NUP93: variants seen among roughly 807,000 people sequenced by gnomAD.
NUP93 encodes nuclear pore complex protein Nup93.
NUP93 carries 55 observed loss-of-function variants against 107.8 expected under a neutral mutation model. The ratio of observed to expected loss-of-function variants is 0.51; its 90% CI spans 0.41 to 0.64. The LOEUF (loss-of-function observed/expected upper bound fraction) is 0.64. Ranked by LOEUF, NUP93 falls within the 30% of genes least tolerant of loss-of-function variation. The pLI is 0.00. For missense variants in NUP93, 937 were observed against 1,044.7 expected (o/e 0.90, Z 1.42); for synonymous variants, 390 against 397.5 (o/e 0.98, Z 0.22).
At chr16:56,771,603 C>G (rs1284023615) in intron 3 of NUP93, among the ~76,000 whole-genome samples, 1 of 152,140 alleles carries the variant, frequency 6.6e-6, no homozygotes, top group Admixed American at 6.5e-5. Flanking sequence ...GAAAGACTTG[C>G]TGGTTAACTA....
At chr16:56,825,952 T>C (rs1216853032) in intron 8 of NUP93, among the ~76,000 whole-genome samples, 1 of 152,198 alleles carries the variant, frequency 6.6e-6, no homozygotes, top group Non-Finnish European at 1.5e-5. Flanking sequence ...ATGCACCAGA[T>C]GGCAAAGTAG....
intron 5 of NUP93, among the ~76,000 whole-genome samples, chr16:56,815,914 C>G (rs1357657567): frequency 6.6e-6 from 1 of 152,058 alleles, no homozygotes; most frequent in African/African-American, 2.4e-5. Context: ...GCTGCTGCTG[C>G]TGGTGCTGCT....
chr16:56,780,906 A>G (rs1311678961), intron 3 of NUP93, among the ~76,000 whole-genome samples: 1 of 152,124 alleles, frequency 6.6e-6, no homozygotes, highest in Non-Finnish European at 1.5e-5. Flanking sequence ...GACTTTAATC[A>G]TCTGGTGCCT....
chr16:56,768,393 A>G (rs192281553), intron 3 of NUP93, among the ~76,000 whole-genome samples: 6 of 151,540 alleles, frequency 4.0e-5, no homozygotes, highest in Admixed American at 2.6e-4. Flanking sequence ...GAGAAACCCT[A>G]TCTCTACTAA....
chr16:56,738,960 T>TC (rs1384778786), intron 1 of NUP93, among the ~76,000 whole-genome samples: 1 of 150,918 alleles, frequency 6.6e-6, no homozygotes, highest in African/African-American at 2.4e-5. Flanking sequence ...TTTTTTTTTT[T>TC]TGCACCGCCC....
At chr16:56,757,581 T>G (rs1962049076) in intron 2 of NUP93, among the ~76,000 whole-genome samples, 1 of 152,202 alleles carries the variant, frequency 6.6e-6, no homozygotes, top group Admixed American at 6.5e-5. Context: ...AACCTTTTCT[T>G]TAAAAAACTA....
At chr16:56,774,910 T>G (rs1461990440) in intron 3 of NUP93, among the ~76,000 whole-genome samples, 1 of 151,622 alleles carries the variant, frequency 6.6e-6, no homozygotes, top group Non-Finnish European at 1.5e-5. Context: ...TTTGTTTTTT[T>G]TTTTTTTGAG....
At chr16:56,763,553 A>AC (rs1962166458) in intron 3 of NUP93, among the ~76,000 whole-genome samples, 1 of 151,090 alleles carries the variant, frequency 6.6e-6, no homozygotes, top group Non-Finnish European at 1.5e-5. Context: ...TAAATGCCCA[A>AC]CCCATTCTTT....
intron 8 of NUP93, among the ~76,000 whole-genome samples, chr16:56,826,995 G>A (rs1001336719): frequency 1.7e-4 from 23 of 134,608 alleles, no homozygotes; most frequent in African/African-American, 5.6e-4. Context: ...GCAGTGAGCC[G>A]AGGTGGCGCC....
At chr16:56,749,249 T>C (rs1238186568) in intron 2 of NUP93, among the ~76,000 whole-genome samples, 1 of 152,252 alleles carries the variant, frequency 6.6e-6, no homozygotes, top group Non-Finnish European at 1.5e-5. Flanking sequence ...GGTTATTTAC[T>C]GTGTGTTACA....
intron 2 of NUP93, among the ~76,000 whole-genome samples, chr16:56,753,321 A>G (rs528590810): frequency 3.9e-5 from 6 of 152,232 alleles, no homozygotes; most frequent in African/African-American, 4.8e-5. Context: ...AAAAGTATAT[A>G]GTAATCTAGC....
At chr16:56,741,510 C>T (rs1282117890) in intron 1 of NUP93, among the ~76,000 whole-genome samples, 1 of 152,142 alleles carries the variant, frequency 6.6e-6, no homozygotes, top group African/African-American at 2.4e-5. Context: ...TCTTCTCACC[C>T]ATTCCGTCTA....
In NUP93 at chr16:56,815,259, T is replaced by G. The variant is rs1415617553; in HGVS notation, c.490-3405T>G. 2.6e-5 allele frequency among the ~76,000 whole-genome samples: 4 copies of G among 152,202 alleles called. 1 individual carries two copies. Among genetic ancestry groups the G allele is most frequent in the Non-Finnish European group, 5.9e-5 (4 of 68,040 alleles). Reference sequence around the variant, plus strand: ...CCTTGTTTATTCTCCTTGACTAGGTTTCTGGAATTAACAGGCTTAGTGCTG... The same window carrying G: ...CCTTGTTTATTCTCCTTGACTAGGTGTCTGGAATTAACAGGCTTAGTGCTG... On this transcript the variant is annotated intron_variant, in intron 5 of 21. Transcript: ENST00000308159.
At chr16:56,780,395 G>T (rs1476969508) in intron 3 of NUP93, among the ~76,000 whole-genome samples, 2 of 152,182 alleles carry the variant, frequency 1.3e-5, no homozygotes, top group African/African-American at 4.8e-5. Flanking sequence ...ATCATGAGTT[G>T]ATTTTTATGC....
chr16:56,805,824 T>A (rs1963125805), intron 5 of NUP93, 192 bp downstream of exon 5: 2 of 589,408 alleles, frequency 3.4e-6, no homozygotes, highest in Non-Finnish European at 3.0e-6. Context: ...CTCAGTCTCC[T>A]TTGCTGAGCT....
At chr16:56,821,696 T>C (rs1963547789) in intron 7 of NUP93, 103 bp downstream of exon 7, 6 of 684,412 alleles carry the variant, frequency 8.8e-6, no homozygotes, top group South Asian at 7.4e-5. Flanking sequence ...CACGCCATTC[T>C]GTGGAATGAA....
intron 3 of NUP93, among the ~76,000 whole-genome samples, chr16:56,796,957 C>T (rs542785997): frequency 2.4e-4 from 34 of 144,680 alleles, no homozygotes; most frequent in East Asian, 1.9e-3. Context: ...GGCAACAGAG[C>T]GAGACTCCAT....
intron 8 of NUP93, among the ~76,000 whole-genome samples, chr16:56,825,043 T>G (rs1298737660): frequency 6.6e-6 from 1 of 151,922 alleles, no homozygotes; most frequent in Non-Finnish European, 1.5e-5. Context: ...TCTTATACTA[T>G]ATAAAAACTT....
At chr16:56,760,608 C>T (rs1450174665) in intron 3 of NUP93, among the ~76,000 whole-genome samples, 1 of 152,108 alleles carries the variant, frequency 6.6e-6, no homozygotes, top group Non-Finnish European at 1.5e-5. Flanking sequence ...AACACCAGAT[C>T]TCATAAGAAC....
Sources: gnomAD v4.1 joint callset for allele counts (sites outside exome capture counted in the v4.1 genomes callset) on GRCh38, gnomAD v4.1.1 for gene constraint, MANE v1.5 for transcripts, NCBI Gene and HGNC (gene_info 2026-07-23, HGNC 2026-07-21) for gene names.